The following ARL14EP variants were observed in gnomAD, a reference collection of about 807,000 sequenced individuals.
ARL14EP encodes ARF like GTPase 14 effector protein.
ARL14EP carries 12 observed loss-of-function variants against 23.1 expected under a neutral mutation model. The ratio of observed to expected loss-of-function variants is 0.52; its 90% CI spans 0.33 to 0.84. The LOEUF (loss-of-function observed/expected upper bound fraction) is 0.84. Among genes scored for constraint, ARL14EP ranks in the 40% least tolerant of loss-of-function variants. The probability of loss-of-function intolerance (pLI) is 0.02; values close to 1 mark genes in which losing one functional copy is unlikely to be tolerated. For missense variants in ARL14EP, 253 were observed against 307.3 expected (o/e 0.82, Z 1.32); for synonymous variants, 97 against 102.0 (o/e 0.95, Z 0.29).
Position 30,336,991 on chromosome 11 carries a change from T to G in ARL14EP, c.*196T>G. 1 of 608,746 alleles carries G rather than the reference T, an allele frequency of 1.6e-6. No individual in the cohort carries two copies. The highest frequency in any genetic ancestry group is 2.7e-5 in the Admixed American group (1 of 37,332). The allele number at this position is 608,746 out of a possible 1,614,324, so 37.7% of individuals were successfully genotyped here. A position where few individuals can be genotyped will look rare whatever the true frequency, so the allele number is the denominator to read the frequency against. ...ATAGGCTATTTTTCAGTAGTCAGCG[T>G]TAAGCCTGTCTGGATCAATATAAAC... On this transcript the variant is annotated 3_prime_UTR_variant, in exon 4 of 4. Coordinates refer to ENST00000282032, the MANE Select transcript of ARL14EP (RefSeq NM_152316.3).
At chr11:30,331,496 G>A in intron 2 of ARL14EP, 122 bp downstream of exon 2, 1 of 1,522,156 alleles carries the variant, frequency 6.6e-7, no homozygotes, top group East Asian at 2.4e-5. Context: ...ATTAAAAGGA[G>A]GGGTGAAAGT....
rs1445322473 is a variant in ARL14EP at position 30,337,928 on chromosome 11, T to C, written c.*1133T>C. ...TTTTAAACATTTTTGCATTTTTTTC[T>C]ACATTTATAACTGGTCTTAAGAGTT... is the stretch of plus-strand genomic sequence containing the variant. On this transcript the variant is annotated 3_prime_UTR_variant, in exon 4 of 4. Coordinates refer to ENST00000282032, the MANE Select transcript of ARL14EP (RefSeq NM_152316.3). 6.6e-6 allele frequency: 1 copy of C among 152,262 alleles called. No homozygotes were observed. The highest frequency in any genetic ancestry group is 2.4e-5 in the African/African-American group (1 of 41,472). The allele number at this position is 152,262 out of a possible 1,614,324, so 9.4% of individuals were successfully genotyped here.
chr11:30,325,310 C>G (rs1231084347), intron 1 of ARL14EP, among the ~76,000 whole-genome samples: 1 of 152,132 alleles, frequency 6.6e-6, no homozygotes, highest in East Asian at 1.9e-4. Context: ...CCAAGCAGAT[C>G]AGCAAATTAT....
chr11:30,328,628 T>G (rs1947260092), intron 1 of ARL14EP: 1 of 152,190 alleles, frequency 6.6e-6, no homozygotes, highest in Non-Finnish European at 1.5e-5. Flanking sequence ...GTATTTTATT[T>G]TTTAACTTTG....
At chr11:30,328,810 A>G (rs1453963537) in intron 1 of ARL14EP, 1 of 151,806 alleles carries the variant, frequency 6.6e-6, no homozygotes, top group African/African-American at 2.4e-5. Context: ...TAATTTTGCA[A>G]AGCTTAAAAA....
intron 1 of ARL14EP, chr11:30,329,976 A>G (rs1947269567): frequency 6.6e-6 from 1 of 152,032 alleles, no homozygotes; most frequent in Admixed American, 6.5e-5. Context: ...CTTCCATGTC[A>G]GAAAACCTTC....
intron 1 of ARL14EP, among the ~76,000 whole-genome samples, chr11:30,326,819 CAGTTTTACTCAGGT>C: frequency 1.5e-5 from 1 of 65,490 alleles, no homozygotes; most frequent in South Asian, 6.8e-4. Flanking sequence ...CAGGTGTGTG[CAGTTTTACTCAGGT>C]GTGTGCAGTT....
intron 3 of ARL14EP, among the ~76,000 whole-genome samples, chr11:30,333,357 A>C (rs7121963): frequency 0.11 from 17,266 of 152,146 alleles, 1,072 homozygotes; most frequent in Non-Finnish European, 0.15. Flanking sequence ...TATTTTTACA[A>C]ATTGAAAATT....
At chr11:30,331,566 A>G (rs1022923781) in intron 2 of ARL14EP, 192 bp downstream of exon 2, 2 of 1,430,576 alleles carry the variant, frequency 1.4e-6, no homozygotes, top group Non-Finnish European at 1.8e-6. Flanking sequence ...GGATAAAGAA[A>G]GTAGGCCTGG....
intron 1 of ARL14EP, chr11:30,329,438 T>C (rs1229821545): frequency 6.6e-6 from 1 of 152,134 alleles, no homozygotes; most frequent in Non-Finnish European, 1.5e-5. Context: ...ATTGGAGATA[T>C]TTTTCTCCAT....
rs71060445 is a variant in ARL14EP, at chr11:30,335,761, A to AAT, written c.555-791_555-790dup. ...TTTATATGCACTGGAAAAGCAAAAA[A>AAT]ATATATATATATATATGTGTGTGTG... On this transcript the variant is annotated intron_variant, in intron 3 of 3. Coordinates refer to ENST00000282032, the MANE Select transcript of ARL14EP (RefSeq NM_152316.3). Among the ~76,000 whole-genome samples, 266 of 129,976 alleles carry AAT rather than the reference A, an allele frequency of 2.0e-3. 1 individual carries two copies. Among genetic ancestry groups the AAT allele is most frequent in the African/African-American group, 7.0e-3 (227 of 32,532 alleles). 85.3% of individuals were successfully genotyped at this position (129,976 alleles called of 152,430 possible).
Position 30,335,776 on chromosome 11 carries a change from A to ATGTG in ARL14EP, c.555-770_555-767dup, listed in dbSNP as rs10601449. On this transcript the variant is annotated intron_variant, in intron 3 of 3. Transcript: ENST00000282032. ...AAAGCAAAAAAATATATATATATAT[A>ATGTG]TGTGTGTGTGTGTGTGTGTGTGTGA... Among the ~76,000 whole-genome samples, 275 of 147,104 alleles carry ATGTG rather than the reference A, an allele frequency of 1.9e-3. 1 individual carries two copies. The Middle Eastern group carries it at 0.024, about 13-fold the overall frequency.
intron 1 of ARL14EP, among the ~76,000 whole-genome samples, chr11:30,324,231 C>T (rs2133642450): frequency 6.6e-6 from 1 of 152,160 alleles, no homozygotes; most frequent in South Asian, 2.1e-4. Context: ...TTGTAAGACC[C>T]TATGCCAAGA....
chr11:30,334,019 C>T (rs1406656330), intron 3 of ARL14EP, among the ~76,000 whole-genome samples: 3 of 152,092 alleles, frequency 2.0e-5, no homozygotes, highest in Non-Finnish European at 4.4e-5. Context: ...AAGGTTCTAA[C>T]CCTCTTCAAT....
At chr11:30,325,940 T>C (rs1232255445) in intron 1 of ARL14EP, among the ~76,000 whole-genome samples, 1 of 152,194 alleles carries the variant, frequency 6.6e-6, no homozygotes, top group Non-Finnish European at 1.5e-5. Context: ...TCCAAGATGC[T>C]GAAAGAATCA....
At chr11:30,336,490 T>C (rs1947333185) in intron 3 of ARL14EP, 77 bp from the exon 4 acceptor site, 2 of 1,302,886 alleles carry the variant, frequency 1.5e-6, no homozygotes, top group Admixed American at 4.4e-5. Context: ...TATCTCCTTT[T>C]TTTTTTTTAC....
At chr11:30,324,136 A>G (rs1947218089) in intron 1 of ARL14EP, among the ~76,000 whole-genome samples, 9 of 152,204 alleles carry the variant, frequency 5.9e-5, no homozygotes, top group Admixed American at 5.9e-4. Context: ...TGTACCCATA[A>G]CTAAAGCTCC....
chr11:30,327,576 C>G lies in ARL14EP; in HGVS notation c.-63-3310C>G, dbSNP rs1409269031. ...GCTAAAAACTGGTGATGATTACCTC[C>G]AAATAAAAAGAATCTCTGGCATTAA... is the stretch of plus-strand genomic sequence containing the variant. On this transcript the variant is annotated intron_variant, in intron 1 of 3. Transcript: ENST00000282032. Among the ~76,000 whole-genome samples, 7 of 151,980 alleles carry G rather than the reference C, an allele frequency of 4.6e-5. No individual in the cohort carries two copies. The East Asian group carries it at 1.3e-3, about 29-fold the overall frequency.
intron 3 of ARL14EP, 122 bp from the exon 4 acceptor site, chr11:30,336,445 A>G: frequency 1.2e-6 from 1 of 849,250 alleles, no homozygotes; most frequent in Non-Finnish European, 1.8e-6. Flanking sequence ...GATAAATTAT[A>G]GATGATTTTG....
Sources: allele counts gnomAD v4.1 joint callset (sites outside exome capture counted in the v4.1 genomes callset), GRCh38; gene constraint gnomAD v4.1.1; transcripts MANE v1.5; gene names NCBI Gene and HGNC (gene_info 2026-07-23, HGNC 2026-07-21).